ZFYVE28: variants seen among roughly 807,000 people sequenced by gnomAD.
ZFYVE28 encodes lateral signaling target protein 2 homolog.
A neutral mutation model predicts 82.1 loss-of-function variants in ZFYVE28; 40 were observed. The ratio of observed to expected loss-of-function variants is 0.49; its 90% CI spans 0.38 to 0.63. ZFYVE28 has a LOEUF of 0.63. Ranked by LOEUF, ZFYVE28 falls within the 30% of genes least tolerant of loss-of-function variation. The probability of loss-of-function intolerance (pLI) is 0.00; values close to 1 mark genes in which losing one functional copy is unlikely to be tolerated. For missense variants in ZFYVE28, 1,321 were observed against 1,242.1 expected, an observed-to-expected ratio of 1.06 and a Z score of -0.96; for synonymous variants, 612 against 546.1, an observed-to-expected ratio of 1.12 and a Z score of -1.68.
intron 7 of ZFYVE28, among the ~76,000 whole-genome samples, chr4:2,316,036 T>A: frequency 6.6e-6 from 1 of 152,292 alleles, no homozygotes; most frequent in East Asian, 1.9e-4. Context: ...TATTAAGCTA[T>A]CCTCAAGCTG....
intron 3 of ZFYVE28, among the ~76,000 whole-genome samples, chr4:2,340,228 G>A (rs922526890): frequency 6.6e-6 from 1 of 152,322 alleles, no homozygotes; most frequent in South Asian, 2.1e-4. Flanking sequence ...AGACTCATCA[G>A]TGTGAGAGTC....
chr4:2,353,356 A>C (rs1301712119), intron 2 of ZFYVE28, among the ~76,000 whole-genome samples: 1 of 152,118 alleles, frequency 6.6e-6, no homozygotes, highest in East Asian at 1.9e-4. Flanking sequence ...ATTCAGCAAG[A>C]CCCTGTGGGA....
intron 1 of ZFYVE28, among the ~76,000 whole-genome samples, chr4:2,357,674 G>C (rs971369993): frequency 6.6e-6 from 1 of 152,122 alleles, no homozygotes; most frequent in Non-Finnish European, 1.5e-5. Flanking sequence ...CCCTCTCCAC[G>C]TGTGTCCCGC....
chr4:2,368,226 A>AAAAAAAAAAAAAAAC (rs1553856593), intron 1 of ZFYVE28, among the ~76,000 whole-genome samples: 1 of 150,082 alleles, frequency 6.7e-6, no homozygotes, highest in African/African-American at 2.5e-5. Flanking sequence ...AAAAAAAAAA[A>AAAAAAAAAAAAAAAC]AAAACACTGT....
intron 10 of ZFYVE28, among the ~76,000 whole-genome samples, chr4:2,272,828 G>A (rs746953776): frequency 6.6e-6 from 1 of 152,264 alleles, no homozygotes; most frequent in Non-Finnish European, 1.5e-5. Flanking sequence ...ACGCAGAGGT[G>A]CAGTCACCTT....
In ZFYVE28 at chr4:2,304,697, C is replaced by A. The variant is rs1416424421; in HGVS notation, c.1643G>T (p.Gly548Val). 2 of 1,612,606 alleles carry A rather than the reference C, an allele frequency of 1.2e-6. No individual in the cohort carries two copies. The highest frequency in any genetic ancestry group is 1.7e-5 in the Admixed American group (1 of 60,000). The change falls in exon 8 of 13, where the codon GGC becomes GTC. Residue 548 changes from glycine to valine, a missense_variant. Physicochemically the swap from Gly to Val is moderately radical, Grantham distance 109 (BLOSUM62 -3). Transcript: ENST00000290974. Reference sequence around the variant, plus strand: ...GGCCCCAGTGCTAAGCTTGTGGGGGCCGCCATCCATCCCCTCGGCCACGGG... The same window carrying A: ...GGCCCCAGTGCTAAGCTTGTGGGGGACGCCATCCATCCCCTCGGCCACGGG... ...SEPVAEGMDGGPHKLSTGATN... is the reference protein window; with the variant it reads ...SEPVAEGMDGVPHKLSTGATN...
intron 7 of ZFYVE28, among the ~76,000 whole-genome samples, chr4:2,308,797 T>C (rs181119925): frequency 1.4e-4 from 22 of 152,056 alleles, no homozygotes; most frequent in African/African-American, 5.1e-4. Flanking sequence ...GCTAGCTAGC[T>C]TCTGGGATTT....
chr4:2,400,981 C>G (rs1321403786), intron 1 of ZFYVE28, among the ~76,000 whole-genome samples: 2 of 152,242 alleles, frequency 1.3e-5, no homozygotes, highest in Non-Finnish European at 2.9e-5. Flanking sequence ...CAGGATTCAG[C>G]TATTGACTGT....
In ZFYVE28 at chr4:2,362,301, C is replaced by T. The variant is rs1413339718; in HGVS notation, c.40-8228G>A. 1.3e-5 allele frequency among the ~76,000 whole-genome samples: 2 copies of T among 152,108 alleles called. No homozygotes were observed. ...CTTTCCATTAAAGCCTGGGACTTCT[C>T]GCTCCAGCACCAGGAATCCAAGAGC... On this transcript the variant is annotated intron_variant, in intron 1 of 12. Transcript: ENST00000290974. The surrounding 1 kb of genome is among the most constrained non-coding windows in gnomAD (Gnocchi z 5.1).
intron 7 of ZFYVE28, among the ~76,000 whole-genome samples, chr4:2,308,627 C>CAAAGAA (rs1305129210): frequency 1.3e-5 from 1 of 79,522 alleles, no homozygotes; most frequent in Non-Finnish European, 2.4e-5. Flanking sequence ...AGAAAGAAGA[C>CAAAGAA]AGAAAGAAAG....
intron 1 of ZFYVE28, among the ~76,000 whole-genome samples, chr4:2,359,645 T>TA (rs1725837250): frequency 6.6e-6 from 1 of 152,204 alleles, no homozygotes; most frequent in Admixed American, 6.5e-5. Flanking sequence ...CTGGGACTTT[T>TA]GGCCTCCAGG....
intron 2 of ZFYVE28, among the ~76,000 whole-genome samples, chr4:2,350,662 A>G (rs544757269): frequency 1.3e-5 from 2 of 152,276 alleles, no homozygotes; most frequent in South Asian, 4.1e-4. Context: ...GAGGGTTGGG[A>G]CTTTCAGCCC....
intron 8 of ZFYVE28, among the ~76,000 whole-genome samples, chr4:2,281,647 C>A (rs1333731482): frequency 6.6e-6 from 1 of 152,210 alleles, no homozygotes; most frequent in Non-Finnish European, 1.5e-5. Context: ...TTAAGGTCCC[C>A]CCTCTCAACG....
At chr4:2,305,655 T>C in intron 7 of ZFYVE28, 119 bp from the exon 8 acceptor site, 2 of 1,202,886 alleles carry the variant, frequency 1.7e-6, no homozygotes, top group Non-Finnish European at 2.3e-6. Context: ...AGGCACTGAA[T>C]GCTTGCAACT....
intron 12 of ZFYVE28, 185 bp downstream of exon 12, chr4:2,271,126 A>T (rs1194745252): frequency 2.9e-5 from 22 of 746,852 alleles, no homozygotes; most frequent in Non-Finnish European, 4.5e-5. Context: ...CATGGGCACC[A>T]TCCAGGTTCC....
intron 8 of ZFYVE28, among the ~76,000 whole-genome samples, chr4:2,292,573 G>A (rs543849007): frequency 6.6e-5 from 10 of 152,268 alleles, no homozygotes; most frequent in South Asian, 2.1e-4. Flanking sequence ...CAGGGTCAAC[G>A]GATTACTCAA....
Position 2,341,289 on chromosome 4 carries a change from C to A in ZFYVE28, c.318+189G>T. The stretch of plus-strand genomic sequence containing the variant: ...TAGTTTTGGGGGCACCAGTTCATGG[C>A]TTTCCCAGATCCTCCAGGGGTGCAC... On this transcript the variant is annotated intron_variant, in intron 3 of 12. Coordinates refer to ENST00000290974, the MANE Select transcript of ZFYVE28 (RefSeq NM_020972.3). The surrounding 1 kb of genome is among the most constrained non-coding windows in gnomAD (Gnocchi z 4.5). The A allele has an allele frequency of 1.3e-6, 1 of 744,394 alleles. No individual in the cohort carries two copies. The highest frequency in any genetic ancestry group is 2.2e-6 in the Non-Finnish European group (1 of 462,622). 46.1% of individuals were successfully genotyped at this position (744,394 alleles called of 1,614,324 possible).
At chr4:2,275,764 AC>A (rs1736368170) in intron 8 of ZFYVE28, among the ~76,000 whole-genome samples, 1 of 152,230 alleles carries the variant, frequency 6.6e-6, no homozygotes, top group Non-Finnish European at 1.5e-5. Context: ...AGGGCTGTCT[AC>A]ACTCTGGAGC....
intron 1 of ZFYVE28, among the ~76,000 whole-genome samples, chr4:2,355,137 C>T: frequency 6.9e-6 from 1 of 145,440 alleles, no homozygotes; most frequent in South Asian, 2.2e-4. Flanking sequence ...ACAGCTTGTT[C>T]CCCTGGATCA....
Sources: allele counts gnomAD v4.1 joint callset (sites outside exome capture counted in the v4.1 genomes callset), GRCh38; gene constraint gnomAD v4.1.1; non-coding constraint Gnocchi (gnomAD v3.1); transcripts MANE v1.5; gene names NCBI Gene and HGNC (gene_info 2026-07-23, HGNC 2026-07-21).